TNFRSF19: variants seen among roughly 807,000 people sequenced by gnomAD.
The protein encoded by TNFRSF19 is TNF receptor superfamily member 19.
In TNFRSF19, 27 loss-of-function variants were observed where a neutral mutation model predicts 46.4. The ratio of observed to expected loss-of-function variants is 0.58; its 90% confidence interval spans 0.43 to 0.80. TNFRSF19 has a LOEUF of 0.80. TNFRSF19 is among the 30% of genes least tolerant of loss of function. The probability of loss-of-function intolerance (pLI) is 0.00; values close to 1 mark genes in which losing one functional copy is unlikely to be tolerated. For missense variants in TNFRSF19, 511 were observed against 530.8 expected (o/e 0.96, Z 0.37); for synonymous variants, 204 against 205.0 (o/e 1.00, Z 0.04).
At chr13:23,642,819 A>C (rs1883106134) in intron 5 of TNFRSF19, among the ~76,000 whole-genome samples, 1 of 152,198 alleles carries the variant, frequency 6.6e-6, no homozygotes, top group Admixed American at 6.5e-5. Context: ...CCAGCAATAA[A>C]ATCAGGTCAG....
intron 1 of TNFRSF19, among the ~76,000 whole-genome samples, chr13:23,572,390 G>A (rs1268733127): frequency 1.3e-5 from 2 of 151,896 alleles, no homozygotes; most frequent in African/African-American, 2.4e-5. Flanking sequence ...TGGTATTAAT[G>A]TTCACATTCA....
chr13:23,584,450 C>T (rs189560940), intron 1 of TNFRSF19, among the ~76,000 whole-genome samples: 1 of 151,466 alleles, frequency 6.6e-6, no homozygotes, highest in Non-Finnish European at 1.5e-5. Context: ...ATATATATAC[C>T]ACAGTTTTTT....
At chr13:23,605,058 A>G (rs1334610646) in intron 3 of TNFRSF19, among the ~76,000 whole-genome samples, 2 of 152,236 alleles carry the variant, frequency 1.3e-5, no homozygotes, top group African/African-American at 4.8e-5. Context: ...AAACATTTGT[A>G]AAAGATATCT....
intron 1 of TNFRSF19, among the ~76,000 whole-genome samples, chr13:23,581,534 G>A (rs927057383): frequency 6.6e-6 from 1 of 152,110 alleles, no homozygotes; most frequent in Non-Finnish European, 1.5e-5. Flanking sequence ...TAAAGGGACA[G>A]AACTTTTTTT....
At chr13:23,666,046 G>T (rs2138409866) in intron 7 of TNFRSF19, among the ~76,000 whole-genome samples, 1 of 152,292 alleles carries the variant, frequency 6.6e-6, no homozygotes, top group Non-Finnish European at 1.5e-5. Flanking sequence ...CTCAGGATTA[G>T]ATTCAGAAAT....
intron 5 of TNFRSF19, among the ~76,000 whole-genome samples, chr13:23,630,161 G>C (rs1882260049): frequency 6.6e-6 from 1 of 152,022 alleles, no homozygotes; most frequent in Non-Finnish European, 1.5e-5. Flanking sequence ...AAATTAGCTA[G>C]GGATGGTGGT....
intron 1 of TNFRSF19, among the ~76,000 whole-genome samples, chr13:23,588,514 T>A (rs1245974007): frequency 1.3e-5 from 2 of 152,222 alleles, no homozygotes; most frequent in African/African-American, 4.8e-5. Flanking sequence ...ATATGGTATG[T>A]ACTGATTGAC....
intron 9 of TNFRSF19, among the ~76,000 whole-genome samples, chr13:23,670,178 G>A (rs1159108439): frequency 3.9e-5 from 6 of 152,208 alleles, no homozygotes; most frequent in East Asian, 1.9e-4. Flanking sequence ...ATCTAAGTCT[G>A]CAGTACTTGT....
intron 1 of TNFRSF19, among the ~76,000 whole-genome samples, chr13:23,579,080 TG>T (rs1278355212): frequency 6.6e-6 from 1 of 151,952 alleles, no homozygotes; most frequent in Non-Finnish European, 1.5e-5. Flanking sequence ...CCTCCCTCTC[TG>T]CTCTGAAGGA....
At chr13:23,624,296 T>A (rs1231026977) in intron 4 of TNFRSF19, among the ~76,000 whole-genome samples, 1 of 152,156 alleles carries the variant, frequency 6.6e-6, no homozygotes, top group African/African-American at 2.4e-5. Context: ...TGTATTAAGT[T>A]TTGAAATCAG....
In TNFRSF19 at chr13:23,609,696, G is replaced by A. The variant is rs151313523; in HGVS notation, c.181-6171G>A. On this transcript the variant is annotated intron_variant, in intron 3 of 9. Coordinates refer to ENST00000248484, the MANE Select transcript of TNFRSF19 (RefSeq NM_148957.4). Reference sequence around the variant, plus strand: ...TGTAAACAACAACATACTTTCCTCCGCACGGGGCATACCCAGCTTCATATT... The same window carrying A: ...TGTAAACAACAACATACTTTCCTCCACACGGGGCATACCCAGCTTCATATT... 6.2e-3 allele frequency among the ~76,000 whole-genome samples: 944 copies of A among 152,238 alleles called. 9 individuals are homozygous for A. The highest frequency in any genetic ancestry group is 0.022 in the African/African-American group (905 of 41,534).
chr13:23,655,053 T>C (rs1335458224), intron 5 of TNFRSF19, among the ~76,000 whole-genome samples: 1 of 152,206 alleles, frequency 6.6e-6, no homozygotes, highest in Non-Finnish European at 1.5e-5. Context: ...CTTTAGGGGA[T>C]GCAATGTGGG....
At chr13:23,646,216 G>A (rs1003000895) in intron 5 of TNFRSF19, among the ~76,000 whole-genome samples, 1 of 152,098 alleles carries the variant, frequency 6.6e-6, no homozygotes, top group African/African-American at 2.4e-5. Flanking sequence ...GCAGAACCTG[G>A]CACCCTCCAC....
Position 23,601,797 on chromosome 13 carries a change from A to G in TNFRSF19, c.180+8342A>G, listed in dbSNP as rs76884994. Among the ~76,000 whole-genome samples, 223 of 152,296 alleles carry G rather than the reference A, an allele frequency of 1.5e-3. 6 individuals are homozygous for G. The East Asian group carries it at 0.04, about 27-fold the overall frequency. ...TGTGAAGTAGTACAGTGTTAGTTGA[A>G]AGGAGGCTTGGACTGGTTATAAATG... On this transcript the variant is annotated intron_variant, in intron 3 of 9. Coordinates refer to ENST00000248484, the MANE Select transcript of TNFRSF19 (RefSeq NM_148957.4).
At chr13:23,651,626 T>G (rs1883636743) in intron 5 of TNFRSF19, among the ~76,000 whole-genome samples, 1 of 152,170 alleles carries the variant, frequency 6.6e-6, no homozygotes, top group African/African-American at 2.4e-5. Context: ...AGCTTTAAAA[T>G]AACACATAAA....
At chr13:23,654,039 G>A (rs1463355702) in intron 5 of TNFRSF19, among the ~76,000 whole-genome samples, 1 of 152,126 alleles carries the variant, frequency 6.6e-6, no homozygotes, top group South Asian at 2.1e-4. Context: ...GAGATTAAGA[G>A]CTGTGAAAAA....
chr13:23,620,569 G>GT (rs537909763), intron 4 of TNFRSF19, among the ~76,000 whole-genome samples: 12 of 152,228 alleles, frequency 7.9e-5, no homozygotes, highest in Non-Finnish European at 1.6e-4. Flanking sequence ...TGACCATGCT[G>GT]TAAGAATCCA....
rs750970867 is a variant in TNFRSF19 at position 23,668,696 on chromosome 13, G to A, written c.844G>A (p.Ala282Thr). 7 of 1,612,034 alleles carry A rather than the reference G, an allele frequency of 4.3e-6. No individual in the cohort carries two copies. The highest frequency in any genetic ancestry group is 1.7e-5 in the Admixed American group (1 of 59,846). ...TTCTTTTGAACGTGTGTGCAGAAAC[G>A]CAGGCCCAGCCGGGGAGATGGTGCC... ...HSAASLQARNAGPAGEMVPTF... is the reference protein window; with the variant it reads ...HSAASLQARNTGPAGEMVPTF... Residue 282 changes from alanine to threonine, a missense_variant, in exon 9 of 10, where the codon GCA (alanine) becomes ACA (threonine). Physicochemically the swap from Ala to Thr is moderately conservative, Grantham distance 58. Coordinates refer to ENST00000248484, the MANE Select transcript of TNFRSF19 (RefSeq NM_148957.4).
chr13:23,640,039 CCTGA>C (rs1444771485), intron 5 of TNFRSF19, among the ~76,000 whole-genome samples: 1 of 152,084 alleles, frequency 6.6e-6, no homozygotes, highest in East Asian at 1.9e-4. Context: ...AGCATTGACA[CCTGA>C]CTAAGACACT....
Sources: gnomAD v4.1 joint callset for allele counts (sites outside exome capture counted in the v4.1 genomes callset) on GRCh38, gnomAD v4.1.1 for gene constraint, MANE v1.5 for transcripts, NCBI Gene and HGNC (gene_info 2026-07-23, HGNC 2026-07-21) for gene names.